The following GRM7 variants were observed in gnomAD, a reference collection of about 807,000 sequenced individuals.
GRM7 encodes the protein glutamate metabotropic receptor 7.
GRM7 carries 35 observed loss-of-function variants against 84.5 expected under a neutral mutation model. The observed-to-expected ratio is 0.41, with a 90% CI of 0.32 to 0.55. GRM7 has a LOEUF of 0.55. Among genes scored for constraint, GRM7 ranks in the 20% least tolerant of loss-of-function variants. GRM7 has a pLI of 0.19. For missense variants in GRM7, 1,003 were observed against 1,194.6 expected (o/e 0.84, Z 2.36); for synonymous variants, 487 against 455.1 (o/e 1.07, Z -0.89).
chr3:7,603,254 GA>G (rs997040445), intron 8 of GRM7, among the ~76,000 whole-genome samples: 4 of 151,218 alleles, frequency 2.6e-5, no homozygotes, highest in Non-Finnish European at 5.9e-5. Context: ...ATTTAATGAA[GA>G]AAAAAAAATC....
rs183105503 is a variant in GRM7 at position 7,506,424 on chromosome 3, C to A, written c.1515+44702C>A. ...GATAATAAAGACTTTTTCTAGCCTA[C>A]TCCTCCAAATTCTTCCAGCTTCTGC... On this transcript the variant is annotated intron_variant, in intron 7 of 9. Coordinates refer to ENST00000357716, the MANE Select transcript of GRM7 (RefSeq NM_000844.4). Among the ~76,000 whole-genome samples, 121 of 152,260 alleles carry A rather than the reference C, an allele frequency of 7.9e-4. 1 individual carries two copies. The highest frequency in any genetic ancestry group is 1.7e-3 in the South Asian group (8 of 4,828).
intron 4 of GRM7, among the ~76,000 whole-genome samples, chr3:7,328,990 G>A (rs560906955): frequency 5.3e-4 from 80 of 152,074 alleles, no homozygotes; most frequent in African/African-American, 1.9e-3. Context: ...CGTTTTCTGA[G>A]AGTTAGCTTT....
At chr3:7,691,207 T>G (rs75548973) in intron 9 of GRM7, 2 of 1,173,608 alleles carry the variant, frequency 1.7e-6, no homozygotes, top group Non-Finnish European at 2.3e-6. Flanking sequence ...CCCTTTTTCA[T>G]AGTAACCTCT....
At chr3:7,140,644 G>T (rs1693917047) in intron 1 of GRM7, among the ~76,000 whole-genome samples, 1 of 151,966 alleles carries the variant, frequency 6.6e-6, no homozygotes, top group African/African-American at 2.4e-5. Flanking sequence ...CACATGGGAA[G>T]ACACTAAATT....
At position 7,684,956 on chromosome 3, in the gene GRM7, T is replaced by A. The variant is rs182122801; in HGVS notation, c.2698+4661T>A. 1.9e-3 allele frequency among the ~76,000 whole-genome samples: 289 copies of A among 152,330 alleles called. 1 individual carries two copies. Among genetic ancestry groups the A allele is most frequent in the African/African-American group, 6.7e-3 (278 of 41,590 alleles). On this transcript the variant is annotated intron_variant, in intron 9 of 9. Transcript: ENST00000357716. The stretch of plus-strand genomic sequence containing the variant: ...TTTATATCTGGCCATGATGATGCCT[T>A]CTCACATTCCTGTCTAAGAAGAAGG...
At chr3:7,532,231 C>A (rs544837268) in intron 7 of GRM7, among the ~76,000 whole-genome samples, 1 of 152,060 alleles carries the variant, frequency 6.6e-6, no homozygotes, top group African/African-American at 2.4e-5. Flanking sequence ...AGAATTAATT[C>A]GGCTGTGAAT....
In GRM7 at chr3:7,539,920, T is replaced by G. The variant is rs1338782959; in HGVS notation, c.1516-38502T>G. Among the ~76,000 whole-genome samples, 3 of 152,322 alleles carry G rather than the reference T, an allele frequency of 2.0e-5. No individual in the cohort carries two copies. In the East Asian group the frequency reaches 5.8e-4, roughly 29 times the overall value. ...TAAAGAAATACTCTCTGTATGGACT[T>G]TCCTTGACTTCATCAGTAATAACAA... On this transcript the variant is annotated intron_variant, in intron 7 of 9. Transcript: ENST00000357716.
intron 1 of GRM7, among the ~76,000 whole-genome samples, chr3:6,963,227 A>G (rs1416964547): frequency 1.3e-5 from 2 of 152,228 alleles, no homozygotes; most frequent in African/African-American, 4.8e-5. Context: ...ATTTGCCAAA[A>G]TAGAACCATG....
At position 7,644,194 on chromosome 3, in the gene GRM7, G is replaced by GTA. The variant is rs33935857; in HGVS notation, c.2452-35845_2452-35844dup. 7.1e-3 allele frequency among the ~76,000 whole-genome samples: 54 copies of GTA among 7,650 alleles called. 2 individuals are homozygous for GTA. The highest frequency in any genetic ancestry group is 0.012 in the African/African-American group (51 of 4,316). 5.0% of individuals were successfully genotyped at this position (7,650 alleles called of 152,430 possible). On this transcript the variant is annotated intron_variant, in intron 8 of 9. Coordinates refer to ENST00000357716, the MANE Select transcript of GRM7 (RefSeq NM_000844.4). ...TCTGTACATATATATATGTCTGTAC[G>GTA]TATATATATATGTCTGTACATATAT...
intron 1 of GRM7, among the ~76,000 whole-genome samples, chr3:7,022,059 G>A (rs1019960164): frequency 6.6e-6 from 1 of 152,094 alleles, no homozygotes; most frequent in South Asian, 2.1e-4. Flanking sequence ...CGGGGACAGG[G>A]GTTCACACCT....
At chr3:7,286,748 A>G (rs1699445104) in intron 2 of GRM7, among the ~76,000 whole-genome samples, 1 of 152,144 alleles carries the variant, frequency 6.6e-6, no homozygotes, top group African/African-American at 2.4e-5. Flanking sequence ...AGACTGTTGC[A>G]AATGGTTGAT....
At chr3:7,580,988 A>AT (rs754113489) in intron 8 of GRM7, among the ~76,000 whole-genome samples, 14 of 152,166 alleles carry the variant, frequency 9.2e-5, no homozygotes, top group Non-Finnish European at 2.1e-4. Flanking sequence ...GATAATAATT[A>AT]TTTTGTTATT....
intron 9 of GRM7, among the ~76,000 whole-genome samples, chr3:7,738,080 C>T (rs1300753110): frequency 1.3e-5 from 2 of 152,040 alleles, no homozygotes; most frequent in Non-Finnish European, 2.9e-5. Context: ...AACTTCTGAC[C>T]TCTGATGATC....
intron 5 of GRM7, among the ~76,000 whole-genome samples, chr3:7,433,620 A>G (rs573219314): frequency 6.6e-6 from 1 of 152,344 alleles, no homozygotes; most frequent in East Asian, 1.9e-4. Flanking sequence ...ATTGAAGCAT[A>G]AGTAATTCTA....
chr3:7,648,747 G>A (rs1261185866), intron 8 of GRM7, among the ~76,000 whole-genome samples: 2 of 152,114 alleles, frequency 1.3e-5, no homozygotes, highest in African/African-American at 2.4e-5. Context: ...GACTTCAGAT[G>A]CAGCAAAGCC....
At chr3:7,252,010 G>A (rs1488039567) in intron 2 of GRM7, among the ~76,000 whole-genome samples, 5 of 152,098 alleles carry the variant, frequency 3.3e-5, no homozygotes, top group Non-Finnish European at 5.9e-5. Flanking sequence ...TTGGGACATA[G>A]GGAATCCATT....
intron 8 of GRM7, among the ~76,000 whole-genome samples, chr3:7,596,807 C>G (rs913769954): frequency 6.6e-6 from 1 of 152,066 alleles, no homozygotes; most frequent in Non-Finnish European, 1.5e-5. Context: ...AGGGGTTTTA[C>G]TGTCATGATT....
At chr3:6,869,651 GAAGGAGA>G in intron 1 of GRM7, among the ~76,000 whole-genome samples, 1 of 145,834 alleles carries the variant, frequency 6.9e-6, no homozygotes, top group Non-Finnish European at 1.5e-5. Flanking sequence ...GAGACAGATA[GAAGGAGA>G]GAGAGAGTGA....
intron 4 of GRM7, among the ~76,000 whole-genome samples, chr3:7,328,897 G>T (rs1348697527): frequency 6.6e-6 from 1 of 152,056 alleles, no homozygotes; most frequent in Non-Finnish European, 1.5e-5. Context: ...GATGGATTTT[G>T]ATGGATTTCA....
Sources: gnomAD v4.1 joint callset for allele counts (sites outside exome capture counted in the v4.1 genomes callset) on GRCh38, gnomAD v4.1.1 for gene constraint, MANE v1.5 for transcripts, NCBI Gene and HGNC (gene_info 2026-07-23, HGNC 2026-07-21) for gene names.